ZDHHC20: variants seen among roughly 807,000 people sequenced by gnomAD.
ZDHHC20 encodes the protein zDHHC palmitoyltransferase 20.
ZDHHC20 carries 43 observed loss-of-function variants against 57.8 expected under a neutral mutation model. The ratio of observed to expected loss-of-function variants is 0.74; its 90% CI spans 0.58 to 0.96. The LOEUF is 0.96. ZDHHC20 is among the 40% of genes least tolerant of loss of function. The pLI, the probability that ZDHHC20 is intolerant of heterozygous loss-of-function variation, is 0.00. For synonymous variants in ZDHHC20, 157 were observed against 153.0 expected (o/e 1.03, Z -0.19); for missense variants, 391 against 441.1 (o/e 0.89, Z 1.02).
chr13:21,424,194 T>G (rs1302736776), intron 2 of ZDHHC20, among the ~76,000 whole-genome samples: 1 of 152,180 alleles, frequency 6.6e-6, no homozygotes, highest in Non-Finnish European at 1.5e-5. Flanking sequence ...AAATTCAAAT[T>G]AATGTGATTA....
At chr13:21,403,678 CTTTTTTGTTTGT>C (rs1299585333) in intron 4 of ZDHHC20, among the ~76,000 whole-genome samples, 3 of 152,014 alleles carry the variant, frequency 2.0e-5, no homozygotes, top group African/African-American at 7.2e-5. Flanking sequence ...AAAGAAGTTG[CTTTTTTGTTTGT>C]TTTTTTGTTT....
At chr13:21,444,844 T>A (rs1883521255) in intron 1 of ZDHHC20, among the ~76,000 whole-genome samples, 1 of 152,030 alleles carries the variant, frequency 6.6e-6, no homozygotes, top group Non-Finnish European at 1.5e-5. Flanking sequence ...CTGCTTGAGC[T>A]TAGGAGTTGG....
intron 1 of ZDHHC20, among the ~76,000 whole-genome samples, chr13:21,434,086 A>G (rs1002179736): frequency 7.3e-5 from 10 of 136,312 alleles, no homozygotes; most frequent in Admixed American, 4.5e-4. Flanking sequence ...TTCCTTTCCT[A>G]CGTGTGTGTG....
chr13:21,378,791 A>G, intron 11 of ZDHHC20, 53 bp from the exon 12 acceptor site: 1 of 1,060,112 alleles, frequency 9.4e-7, no homozygotes, highest in Non-Finnish European at 1.3e-6. Context: ...AAAAAGAAGT[A>G]TTAAGTTTCT....
chr13:21,395,373 T>C (rs1047065050), intron 7 of ZDHHC20, among the ~76,000 whole-genome samples: 5 of 151,710 alleles, frequency 3.3e-5, no homozygotes, highest in African/African-American at 4.8e-5. Flanking sequence ...GCCTAAATTC[T>C]TCCTATGTTA....
In ZDHHC20 at chr13:21,441,010, T is replaced by A. The variant is rs188109892; in HGVS notation, c.119-15332A>T. Among the ~76,000 whole-genome samples the A allele has an allele frequency of 5.1e-3, 771 of 152,346 alleles. 5 individuals are homozygous for A. Among genetic ancestry groups the A allele is most frequent in the Middle Eastern group, 0.027 (8 of 294 alleles). ...CCACAGTTTTAATTATAAGGCTTTTTGGTTTAAAATCTGGGGGATTTCCCC... is the reference window on the plus strand; with the variant it reads ...CCACAGTTTTAATTATAAGGCTTTTAGGTTTAAAATCTGGGGGATTTCCCC... On this transcript the variant is annotated intron_variant, in intron 1 of 12. Coordinates refer to ENST00000400590, the MANE Select transcript of ZDHHC20 (RefSeq NM_001330059.2).
Position 21,393,196 on chromosome 13 carries a change from T to G in ZDHHC20, c.595-1342A>C, listed in dbSNP as rs531046827. Among the ~76,000 whole-genome samples the G allele has an allele frequency of 1.9e-3, 285 of 151,934 alleles. 1 individual carries two copies. Among genetic ancestry groups the G allele is most frequent in the Non-Finnish European group, 3.0e-3 (207 of 67,918 alleles). ...ACATTTCTTTTCTTTTTTCTTTTTTTTTTTTTTTAAAGATACAAGGTCTTG... is the reference window on the plus strand; with the variant it reads ...ACATTTCTTTTCTTTTTTCTTTTTTGTTTTTTTTAAAGATACAAGGTCTTG... On this transcript the variant is annotated intron_variant, in intron 7 of 12. Coordinates refer to ENST00000400590, the MANE Select transcript of ZDHHC20 (RefSeq NM_001330059.2).
intron 10 of ZDHHC20, 131 bp from the exon 11 acceptor site, chr13:21,381,680 T>C (rs1018812838): frequency 7.8e-6 from 5 of 640,772 alleles, no homozygotes; most frequent in African/African-American, 5.5e-5. Context: ...CTTAGCACTC[T>C]GAAAAAACTA....
At chr13:21,380,140 G>A (rs1379379876) in intron 11 of ZDHHC20, among the ~76,000 whole-genome samples, 2 of 144,336 alleles carry the variant, frequency 1.4e-5, no homozygotes. Context: ...CCCCGAGATG[G>A]AGTCTCACTC....
Position 21,421,598 on chromosome 13 carries a change from C to T in ZDHHC20, c.146-434G>A, listed in dbSNP as rs1880655449. 3.3e-5 allele frequency among the ~76,000 whole-genome samples: 5 copies of T among 152,308 alleles called. No homozygotes were observed. In the South Asian group the frequency reaches 8.3e-4, roughly 25 times the overall value. ...CCATCACCATAAATGATGAATACATCTGAGTAACTCATTCCCTGTATTGTT... is the reference window on the plus strand; with the variant it reads ...CCATCACCATAAATGATGAATACATTTGAGTAACTCATTCCCTGTATTGTT... On this transcript the variant is annotated intron_variant, in intron 2 of 12. Transcript: ENST00000400590.
At chr13:21,400,036 T>C (rs1168562150) in intron 7 of ZDHHC20, among the ~76,000 whole-genome samples, 5 of 151,624 alleles carry the variant, frequency 3.3e-5, no homozygotes, top group Middle Eastern at 6.3e-3. Flanking sequence ...TTCCTGTCTT[T>C]ATAGATTTTA....
At chr13:21,448,176 G>T (rs1466618790) in intron 1 of ZDHHC20, among the ~76,000 whole-genome samples, 2 of 101,398 alleles carry the variant, frequency 2.0e-5, no homozygotes, top group African/African-American at 3.4e-5. Context: ...CAGCCACCCC[G>T]TCCGGGAGGG....
At chr13:21,402,344 GCCTC>G (rs1359200455) in intron 5 of ZDHHC20, among the ~76,000 whole-genome samples, 2 of 151,864 alleles carry the variant, frequency 1.3e-5, no homozygotes, top group African/African-American at 4.8e-5. Flanking sequence ...CTCCAAATTT[GCCTC>G]CCTACTAGAA....
intron 4 of ZDHHC20, 81 bp from the exon 5 acceptor site, chr13:21,402,947 A>T: frequency 9.2e-7 from 1 of 1,081,714 alleles, no homozygotes; most frequent in Non-Finnish European, 1.4e-6. Context: ...TTTTCTAAAA[A>T]AAATAACTCT....
rs539674947 is a variant in ZDHHC20, at chr13:21,419,500, T to C, written c.249+1561A>G. On this transcript the variant is annotated intron_variant, in intron 3 of 12. Transcript: ENST00000400590. ...GACCGAGTAAACAAACTGTGTTACA[T>C]ACTACAACTGAATACTAAACAATAA... Among the ~76,000 whole-genome samples the C allele has an allele frequency of 3.9e-5, 6 of 152,344 alleles. No homozygotes were observed. In the East Asian group the frequency reaches 7.7e-4, roughly 20 times the overall value.
chr13:21,438,720 T>C (rs1174874457), intron 1 of ZDHHC20, among the ~76,000 whole-genome samples: 2 of 152,246 alleles, frequency 1.3e-5, no homozygotes, highest in African/African-American at 4.8e-5. Flanking sequence ...AAAGAAGTTC[T>C]ACTGTGAGTA....
chr13:21,414,363 T>A (rs1304928666), intron 3 of ZDHHC20, among the ~76,000 whole-genome samples: 1 of 151,260 alleles, frequency 6.6e-6, no homozygotes, highest in Non-Finnish European at 1.5e-5. Context: ...TAGACCTTTT[T>A]TTTTTCTTTT....
At chr13:21,401,719 A>T in intron 5 of ZDHHC20, 34 bp from the exon 6 acceptor site, 1 of 1,478,072 alleles carries the variant, frequency 6.8e-7, no homozygotes, top group Non-Finnish European at 8.9e-7. Context: ...AAATCCATGC[A>T]GAAAAATTCT....
chr13:21,401,899 T>TA (rs1158146906), intron 5 of ZDHHC20, among the ~76,000 whole-genome samples: 1 of 152,166 alleles, frequency 6.6e-6, no homozygotes, highest in Non-Finnish European at 1.5e-5. Flanking sequence ...CAGCTGAACA[T>TA]ATTCAGCTGC....
Sources: gnomAD v4.1 joint callset for allele counts (sites outside exome capture counted in the v4.1 genomes callset) on GRCh38, gnomAD v4.1.1 for gene constraint, MANE v1.5 for transcripts, NCBI Gene and HGNC (gene_info 2026-07-23, HGNC 2026-07-21) for gene names.